Variants in DNAH2 observed in about 807,000 individuals in gnomAD.
DNAH2 encodes the protein axonemal beta dynein heavy chain 2.
Under a neutral mutation model 523.5 loss-of-function variants are expected in DNAH2, and 323 were observed. The observed-to-expected ratio is 0.62, with a 90% CI of 0.56 to 0.68. The LOEUF (loss-of-function observed/expected upper bound fraction) is 0.68. Among genes scored for constraint, DNAH2 ranks in the 30% least tolerant of loss-of-function variants. The pLI, the probability that DNAH2 is intolerant of heterozygous loss-of-function variation, is 0.00. For synonymous variants in DNAH2, 2,093 were observed against 2,177.4 expected (o/e 0.96, Z 1.08); for missense variants, 4,907 against 5,701.5 (o/e 0.86, Z 4.49).
intron 4 of DNAH2, among the ~76,000 whole-genome samples, chr17:7,732,342 G>A (rs2151134560): frequency 6.8e-6 from 1 of 147,486 alleles, no homozygotes; most frequent in African/African-American, 2.5e-5. Flanking sequence ...GGCTGAGGCA[G>A]AAGAATCGCT....
rs71387992 is a variant in DNAH2 at position 7,725,425 on chromosome 17, A to AATATATATATATAT, written c.229-1694_229-1681dup. Reference sequence around the variant, plus strand: ...TTTTATTTGTATTTGACTTCAAGTGAATATATATATATATATTTTCTTTTT... The same window carrying AATATATATATATAT: ...TTTTATTTGTATTTGACTTCAAGTGAATATATATATATATATATATATATATATATTTTCTTTTT... On this transcript the variant is annotated intron_variant, in intron 3 of 85. Transcript: ENST00000572933. 2.9e-4 allele frequency among the ~76,000 whole-genome samples: 36 copies of AATATATATATATAT among 125,008 alleles called. 2 individuals carry two copies. Among genetic ancestry groups the AATATATATATATAT allele is most frequent in the African/African-American group, 4.0e-4 (13 of 32,278 alleles). 82.0% of individuals were successfully genotyped at this position (125,008 alleles called of 152,430 possible). A position where few individuals can be genotyped will look rare whatever the true frequency, so the allele number is the denominator to read the frequency against.
At chr17:7,742,275 C>T (rs1012212717) in intron 11 of DNAH2, among the ~76,000 whole-genome samples, 1 of 151,916 alleles carries the variant, frequency 6.6e-6, no homozygotes, top group Admixed American at 6.6e-5. Context: ...ACTAAAAATA[C>T]AAAAAGTTAG....
Position 7,734,188 on chromosome 17 carries a change from C to A in DNAH2, c.634C>A (p.Arg212=). The change falls in exon 6 of 86, where the codon CGG becomes AGG. Residue 212 remains arginine (R), a synonymous_variant. Coordinates refer to ENST00000572933, the MANE Select transcript of DNAH2 (RefSeq NM_020877.5). ...HKFLACLTDT[R]YKLEGHTVLY... The stretch of plus-strand genomic sequence containing the variant: ...ACAAACTTTCCTTTCCTTAGACACT[C>A]GGTACAAACTGGAGGGGCACACGGT... The A allele has an allele frequency of 6.3e-7, 1 of 1,590,960 alleles. No individual in the cohort carries two copies. The highest frequency in any genetic ancestry group is 1.1e-5 in the South Asian group (1 of 87,340).
At chr17:7,751,919 G>GT (rs2075692588) in intron 12 of DNAH2, among the ~76,000 whole-genome samples, 1 of 80,824 alleles carries the variant, frequency 1.2e-5, no homozygotes, top group African/African-American at 7.1e-5. Flanking sequence ...AATAGTTGTG[G>GT]GGTGTGTGTG....
intron 51 of DNAH2, 46 bp downstream of exon 51, chr17:7,797,307 C>T (rs1260378272): frequency 6.2e-7 from 1 of 1,612,828 alleles, no homozygotes; most frequent in South Asian, 1.1e-5. Flanking sequence ...CTCAGCCTTG[C>T]TCCCACCCCT....
intron 44 of DNAH2, among the ~76,000 whole-genome samples, chr17:7,790,502 A>G (rs2076867575): frequency 6.6e-6 from 1 of 152,172 alleles, no homozygotes; most frequent in Non-Finnish European, 1.5e-5. Context: ...GACTAGAGGC[A>G]TGAGCCACCA....
rs1292935793 is a variant in DNAH2 at position 7,743,252 on chromosome 17, A to G, written c.1904+110A>G. 4 of 1,177,676 alleles carry G rather than the reference A, an allele frequency of 3.4e-6. No homozygotes were observed. The African/African-American group carries it at 6.1e-5, about 18-fold the overall frequency. 73.0% of individuals were successfully genotyped at this position (1,177,676 alleles called of 1,614,324 possible). A position where few individuals can be genotyped will look rare whatever the true frequency, so the allele number is the denominator to read the frequency against. ...CTTCATTATTCTCTCTCTTTCTCAT[A>G]CAATATGTTTGCTATCGTCATTTTA... On this transcript the variant is annotated intron_variant, in intron 12 of 85. Transcript: ENST00000572933.
chr17:7,801,245 G>T (rs535118008), intron 56 of DNAH2, among the ~76,000 whole-genome samples: 1 of 152,048 alleles, frequency 6.6e-6, no homozygotes, highest in African/African-American at 2.4e-5. Context: ...AGCTTTTCAC[G>T]TGTGACACCT....
At chr17:7,775,548 G>A (rs570337880) in intron 30 of DNAH2, among the ~76,000 whole-genome samples, 4 of 152,198 alleles carry the variant, frequency 2.6e-5, no homozygotes, top group East Asian at 1.9e-4. Flanking sequence ...AGGTGGGCGC[G>A]GTGGCGCATG....
chr17:7,795,984 G>GTGTA (rs992413071), intron 49 of DNAH2, among the ~76,000 whole-genome samples: 125 of 143,578 alleles, frequency 8.7e-4, no homozygotes, highest in African/African-American at 3.0e-3. Context: ...TAAATATATA[G>GTGTA]TATATATATA....
intron 73 of DNAH2, among the ~76,000 whole-genome samples, chr17:7,822,780 A>G (rs888732789): frequency 5.3e-5 from 8 of 152,202 alleles, no homozygotes; most frequent in Non-Finnish European, 1.2e-4. Flanking sequence ...TTTGTTAAGA[A>G]GAATGAATAA....
In DNAH2 at chr17:7,818,749, T is replaced by C; in HGVS notation, c.10643T>C (p.Leu3548Pro). ...AACATCGCGGCTGGTAAAAGGAAGCTCAAGGAGCTGGAGGATGAGATCCTG... is the reference window on the plus strand; with the variant it reads ...AACATCGCGGCTGGTAAAAGGAAGCCCAAGGAGCTGGAGGATGAGATCCTG... ...VINIAAGKRK[L>P]KELEDEILRL... The change falls in exon 70 of 86, where the codon CTC becomes CCC. Residue 3548 changes from leucine to proline, a missense_variant. By Grantham distance (98) the Leu-to-Pro change is moderately conservative. This residue lies in a region of DNAH2 where 1,851 missense variants were observed against 2,139.4 expected (regional missense o/e 0.87). Transcript: ENST00000572933. 6.2e-7 allele frequency: 1 copy of C among 1,613,898 alleles called. No individual in the cohort carries two copies. Among genetic ancestry groups the C allele is most frequent in the Non-Finnish European group, 8.5e-7 (1 of 1,179,954 alleles).
rs754458506 is a variant in DNAH2, at chr17:7,759,487, G to C, written c.2514G>C (p.Leu838=). 1 of 1,614,168 alleles carries C rather than the reference G, an allele frequency of 6.2e-7. No homozygotes were observed. Among genetic ancestry groups the C allele is most frequent in the Non-Finnish European group, 8.5e-7 (1 of 1,180,034 alleles). The change falls in exon 16 of 86, where the codon CTG becomes CTC. Residue 838 remains leucine, a synonymous_variant. Coordinates refer to ENST00000572933, the MANE Select transcript of DNAH2 (RefSeq NM_020877.5). ...GCATGATGGAGGATGCCCTGCGCCTGAATGTGAAGTGGTCACTGCTAGAAC... is the reference window on the plus strand; with the variant it reads ...GCATGATGGAGGATGCCCTGCGCCTCAATGTGAAGTGGTCACTGCTAGAAC... The part of the protein sequence containing the change: ...LDRMMEDALR[L]NVKWSLLELS...
rs766341210 is a variant in DNAH2 at position 7,739,758 on chromosome 17, C to T, written c.1196C>T (p.Ala399Val). 3.7e-6 allele frequency: 6 copies of T among 1,613,482 alleles called. No individual in the cohort carries two copies. The East Asian group carries it at 8.9e-5, about 24-fold the overall frequency. ...RKVCDCQYHF[A>V]RWEDGKQGPL... ...GTATGTGACTGTCAGTATCACTTCG[C>T]CCGCTGGGAAGATGGCAAGCAGGGT... The change falls in exon 9 of 86, where the codon GCC becomes GTC. Residue 399 changes from alanine to valine, a missense_variant. Around this residue, in one of 3 missense-constraint regions of DNAH2, gnomAD observed 2,806 missense variants for 3,190.8 expected, o/e 0.88. Transcript: ENST00000572933.
intron 63 of DNAH2, among the ~76,000 whole-genome samples, chr17:7,814,559 A>G: frequency 6.6e-6 from 1 of 152,344 alleles, no homozygotes; most frequent in Middle Eastern, 3.4e-3. Flanking sequence ...CAGCATAAAT[A>G]AAAAGAAAAG....
Position 7,776,203 on chromosome 17 carries a change from C to T in DNAH2, c.4947+54C>T, listed in dbSNP as rs1174435704. ...ACAAGGGGCTGGGCACGGTGGCTCA[C>T]GCCTGTAATCCCAGCACTTTGGGAG... is the stretch of plus-strand genomic sequence containing the variant. On this transcript the variant is annotated intron_variant, in intron 31 of 85. Transcript: ENST00000572933. 35 of 1,586,770 alleles carry T rather than the reference C, an allele frequency of 2.2e-5. No homozygotes were observed. In the South Asian group the frequency reaches 2.6e-4, roughly 12 times the overall value.
chr17:7,824,432 T>G, intron 76 of DNAH2, 105 bp from the exon 77 acceptor site: 1 of 1,408,162 alleles, frequency 7.1e-7, no homozygotes. Context: ...TGGCAGATCT[T>G]AGTGTTAGGC....
intron 12 of DNAH2, among the ~76,000 whole-genome samples, chr17:7,751,453 T>G (rs530904945): frequency 4.3e-4 from 66 of 152,290 alleles, no homozygotes; most frequent in Non-Finnish European, 8.5e-4. Flanking sequence ...TATTTTATGA[T>G]TTTATTCTCT....
rs2076508188 is a variant in DNAH2 at position 7,778,164 on chromosome 17, A to AC, written c.5341dup (p.Leu1781ProfsTer51). ...GGGTAACTCGGGCCGGCTCGTCATC[A>AC]CCCCCCTGACGGACAGGTCTGCCAT... On this transcript the variant is annotated frameshift_variant, in exon 34 of 86. Coordinates refer to ENST00000572933, the MANE Select transcript of DNAH2 (RefSeq NM_020877.5). LOFTEE classifies it high-confidence loss of function. The AC allele has an allele frequency of 1.2e-6, 2 of 1,613,380 alleles. No homozygotes were observed. The highest frequency in any genetic ancestry group is 1.3e-5 in the African/African-American group (1 of 74,648).
Sources: gnomAD v4.1 joint callset for allele counts (sites outside exome capture counted in the v4.1 genomes callset) on GRCh38, gnomAD v4.1.1 for gene constraint, gnomAD v4.1.1 regional missense constraint, MANE v1.5 for transcripts, NCBI Gene and HGNC (gene_info 2026-07-23, HGNC 2026-07-21) for gene names.